Variants in AFG2A observed in about 807,000 individuals in gnomAD.
AFG2A encodes the protein ATPase family gene 2 protein homolog A.
At chr4:123,127,872 A>G in the AFG2A span, among the ~76,000 whole-genome samples, 1 of 152,170 alleles carries the variant, frequency 6.6e-6, no homozygotes, top group Non-Finnish European at 1.5e-5. Flanking sequence ...GCTGGCTGCA[A>G]ACAACTAGTG....
At chr4:122,979,386 T>C in the AFG2A span, 1 of 1,613,844 alleles carries the variant, frequency 6.2e-7, no homozygotes, top group East Asian at 2.2e-5. Flanking sequence ...ATGTCCCAAA[T>C]GTAAGTCATT....
chr4:122,983,740 G>A, the AFG2A span, among the ~76,000 whole-genome samples: 259 of 152,218 alleles, frequency 1.7e-3, no homozygotes, highest in Middle Eastern at 3.4e-3. Flanking sequence ...CTATCCTTCA[G>A]AATGTGTCAT....
the AFG2A span, among the ~76,000 whole-genome samples, chr4:122,975,364 G>C: frequency 6.6e-6 from 1 of 152,176 alleles, no homozygotes; most frequent in Non-Finnish European, 1.5e-5. Context: ...CCTCCCATCA[G>C]TGTGTCATTA....
the AFG2A span, among the ~76,000 whole-genome samples, chr4:123,008,367 C>T: frequency 0.82 from 124,141 of 152,168 alleles, 52,245 homozygotes; most frequent in East Asian, 0.96. Context: ...AGACAGCTCT[C>T]ACCTAGGCCC....
the AFG2A span, among the ~76,000 whole-genome samples, chr4:122,932,353 T>C: frequency 1.3e-5 from 2 of 152,104 alleles, no homozygotes; most frequent in East Asian, 3.9e-4. Context: ...CACGTCTGGC[T>C]AGTTTTCTTT....
At chr4:123,102,985 A>G in the AFG2A span, among the ~76,000 whole-genome samples, 1 of 152,054 alleles carries the variant, frequency 6.6e-6, no homozygotes, top group Admixed American at 6.6e-5. Context: ...ATGCGTCAGA[A>G]TAAGTTTGGA....
At chr4:123,045,056 G>T in the AFG2A span, among the ~76,000 whole-genome samples, 2,153 of 151,678 alleles carry the variant, frequency 0.014, 56 homozygotes, top group African/African-American at 0.05. Flanking sequence ...GAAAATTTTT[G>T]AAAATATTTA....
chr4:122,993,112 A>G, the AFG2A span, among the ~76,000 whole-genome samples: 1 of 151,526 alleles, frequency 6.6e-6, no homozygotes, highest in African/African-American at 2.4e-5. Flanking sequence ...CAGCCTCCCA[A>G]GTAGCTTAGA....
chr4:123,255,509 A>AC, the AFG2A span, among the ~76,000 whole-genome samples: 1 of 151,716 alleles, frequency 6.6e-6, no homozygotes, highest in Admixed American at 6.6e-5. Flanking sequence ...AGAAAAAAAA[A>AC]AAAACACCAA....
the AFG2A span, among the ~76,000 whole-genome samples, chr4:123,042,083 A>C: frequency 6.6e-6 from 1 of 152,158 alleles, no homozygotes; most frequent in Non-Finnish European, 1.5e-5. Context: ...CATATCTTCT[A>C]ACCTACTCAT....
the AFG2A span, among the ~76,000 whole-genome samples, chr4:123,033,904 C>T: frequency 9.2e-5 from 14 of 152,242 alleles, no homozygotes; most frequent in African/African-American, 3.1e-4. Flanking sequence ...TAACTCCCCA[C>T]TCCTTGAGTG....
At chr4:123,048,788 A>G in the AFG2A span, among the ~76,000 whole-genome samples, 3 of 152,172 alleles carry the variant, frequency 2.0e-5, no homozygotes, top group Non-Finnish European at 4.4e-5. Context: ...GTTTTTCTAC[A>G]TATGAGATTA....
the AFG2A span, among the ~76,000 whole-genome samples, chr4:122,973,383 T>A: frequency 6.6e-6 from 1 of 152,184 alleles, no homozygotes; most frequent in Non-Finnish European, 1.5e-5. Flanking sequence ...AAGTACTTAA[T>A]ACATTTATAT....
At chr4:123,012,724 T>C in the AFG2A span, among the ~76,000 whole-genome samples, 2 of 152,050 alleles carry the variant, frequency 1.3e-5, no homozygotes, top group Non-Finnish European at 2.9e-5. Flanking sequence ...GAGACTGAAG[T>C]GTGGCACCAA....
chr4:123,272,359 T>C, the AFG2A span, among the ~76,000 whole-genome samples: 2 of 152,182 alleles, frequency 1.3e-5, no homozygotes, highest in Non-Finnish European at 2.9e-5. Context: ...TTATGTACAA[T>C]ATCATGAACA....
At chr4:123,254,602 CA>C in the AFG2A span, among the ~76,000 whole-genome samples, 1 of 152,086 alleles carries the variant, frequency 6.6e-6, no homozygotes, top group African/African-American at 2.4e-5. Flanking sequence ...TCTTTTTAAC[CA>C]CTTTGAGATA....
At chr4:123,130,717 C>T in the AFG2A span, among the ~76,000 whole-genome samples, 13 of 152,148 alleles carry the variant, frequency 8.5e-5, 1 homozygote, top group Non-Finnish European at 1.9e-4. Flanking sequence ...TGTTGCAGTA[C>T]ACATTCACAG....
At chr4:123,125,267 A>G in the AFG2A span, among the ~76,000 whole-genome samples, 11 of 152,190 alleles carry the variant, frequency 7.2e-5, no homozygotes, top group Non-Finnish European at 1.6e-4. Flanking sequence ...GTTCTCAAAT[A>G]TTAATTTATC....
the AFG2A span, among the ~76,000 whole-genome samples, chr4:123,255,715 CTATTT>C: frequency 0.024 from 2,507 of 103,840 alleles, 88 homozygotes; most frequent in African/African-American, 0.085. Flanking sequence ...TACTGCTTTT[CTATTT>C]TTTTTTTTTT....
Sources: gnomAD v4.1 joint callset for allele counts (sites outside exome capture counted in the v4.1 genomes callset) on GRCh38, gnomAD v4.1.1 for gene constraint, MANE v1.5 for transcripts, NCBI Gene and HGNC (gene_info 2026-07-23, HGNC 2026-07-21) for gene names.